The following ENTPD7 variants were observed in gnomAD, a reference collection of about 807,000 sequenced individuals.
ENTPD7 encodes the protein NTPDase 7.
ENTPD7 carries 53 observed loss-of-function variants against 77.9 expected under a neutral mutation model. That is an observed-to-expected ratio of 0.68 (90% CI 0.55 to 0.85). ENTPD7 has a LOEUF of 0.85. ENTPD7 is among the 40% of genes least tolerant of loss of function. ENTPD7 has a pLI of 0.00. For synonymous variants in ENTPD7, 248 were observed against 274.9 expected (o/e 0.90, Z 0.97); for missense variants, 636 against 743.7 (o/e 0.86, Z 1.68).
intron 6 of ENTPD7, among the ~76,000 whole-genome samples, chr10:99,686,988 G>C (rs1225545359): frequency 7.0e-6 from 1 of 141,928 alleles, no homozygotes; most frequent in Non-Finnish European, 1.5e-5. Context: ...TGTGATCTCT[G>C]CTTACTGCAA....
At chr10:99,700,103 C>G (rs934282986) in intron 10 of ENTPD7, among the ~76,000 whole-genome samples, 3 of 152,220 alleles carry the variant, frequency 2.0e-5, no homozygotes, top group African/African-American at 4.8e-5. Flanking sequence ...CCCTGTTTTT[C>G]TGGAGCCCAG....
intron 3 of ENTPD7, among the ~76,000 whole-genome samples, chr10:99,676,883 C>G (rs2035687413): frequency 6.6e-6 from 1 of 152,214 alleles, no homozygotes; most frequent in South Asian, 2.1e-4. Context: ...CCCCTACTCT[C>G]AGTAATAATT....
Position 99,659,960 on chromosome 10 carries a change from G to A in ENTPD7, c.4G>A (p.Ala2Thr), listed in dbSNP as rs550879549. The A allele has an allele frequency of 1.2e-6, 2 of 1,614,012 alleles. No homozygotes were observed. The highest frequency in any genetic ancestry group is 1.7e-6 in the Non-Finnish European group (2 of 1,179,990). The change falls in exon 2 of 13, where the codon GCT (alanine) becomes ACT (threonine). Residue 2 changes from alanine (A) to threonine (T), a missense_variant. This residue lies in a region of ENTPD7 where 486 missense variants were observed against 556.5 expected (regional missense o/e 0.87). Transcript: ENST00000370489. The surrounding 1 kb of genome is among the most constrained non-coding windows in gnomAD (Gnocchi z 4.1). The stretch of plus-strand genomic sequence containing the variant: ...TTGAGACCACCGAAGGGAACCCATG[G>A]CTAGGTAAGGCTGCACACTTTCCCT... M[A>T]RISFSYLCPA...
At chr10:99,695,875 C>A in intron 8 of ENTPD7, 81 bp from the exon 9 acceptor site, 4 of 1,306,820 alleles carry the variant, frequency 3.1e-6, no homozygotes, top group Non-Finnish European at 1.1e-6. Flanking sequence ...AGAAATGAAG[C>A]CTCGTGTATT....
chr10:99,702,430 G>C, intron 11 of ENTPD7, 82 bp from the exon 12 acceptor site: 1 of 1,225,242 alleles, frequency 8.2e-7, no homozygotes, highest in Non-Finnish European at 1.1e-6. Context: ...ATAACTTGTG[G>C]GAATACGGAG....
rs1590032725 is a variant in ENTPD7, at chr10:99,659,987, C to G, written c.8+23C>G. On this transcript the variant is annotated intron_variant, in intron 2 of 12. Transcript: ENST00000370489. This position sits in a 1 kb window ranked among gnomAD's most constrained non-coding sequence, Gnocchi z 4.1. ...TAGGTAAGGCTGCACACTTTCCCTC[C>G]GGCTGGGAGCACGGCAGAGGATGGC... The G allele has an allele frequency of 6.2e-7, 1 of 1,613,648 alleles. No homozygotes were observed. Among genetic ancestry groups the G allele is most frequent in the South Asian group, 1.1e-5 (1 of 91,078 alleles).
chr10:99,663,797 G>A (rs1038694437), intron 3 of ENTPD7, among the ~76,000 whole-genome samples: 3 of 151,952 alleles, frequency 2.0e-5, no homozygotes, highest in Non-Finnish European at 2.9e-5. Context: ...TTGATTCTTG[G>A]ATCTATGGAT....
rs2036207817 is a variant in ENTPD7, at chr10:99,704,480, G to C, written c.1612G>C (p.Ala538Pro). The change falls in exon 13 of 13, where the codon GCC becomes CCC. Residue 538 changes from alanine (A) to proline (P), a missense_variant. Coordinates refer to ENST00000370489, the MANE Select transcript of ENTPD7 (RefSeq NM_020354.5). ...RDLRQEGVRQ[A>P]HGSWFRLSFV... ...TCTTCGGCAGGAAGGTGTCCGACAA[G>C]CCCATGGTAGCTGGTTCCGTCTCTC... 1 of 1,614,176 alleles carries C rather than the reference G, an allele frequency of 6.2e-7. No homozygotes were observed. The highest frequency in any genetic ancestry group is 2.2e-5 in the East Asian group (1 of 44,890).
intron 3 of ENTPD7, among the ~76,000 whole-genome samples, chr10:99,669,567 G>A (rs1355973559): frequency 6.6e-6 from 1 of 151,920 alleles, no homozygotes; most frequent in Non-Finnish European, 1.5e-5. Context: ...GAGAGATGGG[G>A]TGTCAGTAAG....
intron 5 of ENTPD7, among the ~76,000 whole-genome samples, chr10:99,684,179 C>T (rs2133467200): frequency 6.6e-6 from 1 of 152,214 alleles, no homozygotes; most frequent in Admixed American, 6.5e-5. Flanking sequence ...CCTCAGCCTC[C>T]CGAGTGGGAT....
chr10:99,699,450 C>T (rs1176372075), intron 10 of ENTPD7, among the ~76,000 whole-genome samples: 1 of 152,194 alleles, frequency 6.6e-6, no homozygotes, highest in African/African-American at 2.4e-5. Flanking sequence ...GGTACCTGGA[C>T]AGATGAAAGT....
rs2036326545 is a variant in ENTPD7 at position 99,709,758 on chromosome 10, C to T, written c.*5075C>T. On this transcript the variant is annotated 3_prime_UTR_variant, in exon 13 of 13. Coordinates refer to ENST00000370489, the MANE Select transcript of ENTPD7 (RefSeq NM_020354.5). ...TCTGTCTACTTATCTTCCTTATATC[C>T]TAATAGACTTCTCTTGTGTTATTAC... is the stretch of plus-strand genomic sequence containing the variant. 9 of 985,194 alleles carry T rather than the reference C, an allele frequency of 9.1e-6. No individual in the cohort carries two copies. The African/African-American group carries it at 1.6e-4, about 17-fold the overall frequency. 61.0% of individuals were successfully genotyped at this position (985,194 alleles called of 1,614,324 possible).
At chr10:99,701,684 C>A (rs867953157) in intron 11 of ENTPD7, among the ~76,000 whole-genome samples, 4 of 152,138 alleles carry the variant, frequency 2.6e-5, no homozygotes, top group Non-Finnish European at 4.4e-5. Context: ...AACTATCACA[C>A]AGCTTCAACA....
At chr10:99,700,218 T>C (rs1023337031) in intron 10 of ENTPD7, among the ~76,000 whole-genome samples, 4 of 152,140 alleles carry the variant, frequency 2.6e-5, no homozygotes, top group Admixed American at 2.0e-4. Flanking sequence ...CTTAACATAT[T>C]ATCTTTTCCA....
Position 99,661,516 on chromosome 10 carries a change from C to T in ENTPD7, c.79C>T (p.Gln27Ter), listed in dbSNP as rs2035486783. The part of the protein sequence containing the change: ...TVPTVSPFLR[Q>*]RVAFLGLFFI... ...GCCCACAGTGAGTCCATTTCTCCGT[C>T]AGCGGGTGGCATTCCTGGGACTCTT... The change falls in exon 3 of 13, where the codon CAG (glutamine) becomes TAG (stop). Residue 27 changes from glutamine to a stop codon, truncating the protein, a stop_gained. Coordinates refer to ENST00000370489, the MANE Select transcript of ENTPD7 (RefSeq NM_020354.5). LOFTEE classifies it high-confidence loss of function. 3 of 1,613,892 alleles carry T rather than the reference C, an allele frequency of 1.9e-6. No individual in the cohort carries two copies. The highest frequency in any genetic ancestry group is 2.5e-6 in the Non-Finnish European group (3 of 1,179,996).
chr10:99,686,691 A>G (rs1400354971), intron 6 of ENTPD7, among the ~76,000 whole-genome samples: 1 of 151,996 alleles, frequency 6.6e-6, no homozygotes, highest in East Asian at 1.9e-4. Flanking sequence ...TGATAATTCC[A>G]ATATATGTGT....
Position 99,659,954 on chromosome 10 carries a change from C to A in ENTPD7, c.-3C>A. On this transcript the variant is annotated 5_prime_UTR_variant, in exon 2 of 13. Transcript: ENST00000370489. The surrounding 1 kb of genome is among the most constrained non-coding windows in gnomAD (Gnocchi z 4.1). ...CAGGCGTTGAGACCACCGAAGGGAA[C>A]CCATGGCTAGGTAAGGCTGCACACT... 6.2e-7 allele frequency: 1 copy of A among 1,614,062 alleles called. No homozygotes were observed. Among genetic ancestry groups the A allele is most frequent in the Non-Finnish European group, 8.5e-7 (1 of 1,180,008 alleles).
intron 2 of ENTPD7, chr10:99,660,184 C>A: frequency 1.7e-6 from 1 of 601,308 alleles, no homozygotes; most frequent in Non-Finnish European, 2.1e-6. Context: ...AGTGAGTCGG[C>A]TTGCTCAGCT....
At chr10:99,674,452 GA>G (rs2035655828) in intron 3 of ENTPD7, among the ~76,000 whole-genome samples, 1 of 152,078 alleles carries the variant, frequency 6.6e-6, no homozygotes, top group Non-Finnish European at 1.5e-5. Context: ...ATCCATTAAT[GA>G]ACTCTCCTTT....
Sources: allele counts gnomAD v4.1 joint callset (sites outside exome capture counted in the v4.1 genomes callset), GRCh38; gene constraint gnomAD v4.1.1; regional missense constraint gnomAD v4.1.1; non-coding constraint Gnocchi (gnomAD v3.1); transcripts MANE v1.5; gene names NCBI Gene and HGNC (gene_info 2026-07-23, HGNC 2026-07-21).